NXPE2: variants seen among roughly 807,000 people sequenced by gnomAD.
NXPE2 encodes NXPE family member 2.
Under a neutral mutation model 34.4 loss-of-function variants are expected in NXPE2, and 34 were observed. That is an observed-to-expected ratio of 0.99 (90% CI 0.75 to 1.31). The LOEUF is 1.31. Ranked by LOEUF, NXPE2 falls within the 40% of genes most tolerant of loss-of-function variation. The pLI is 0.00. For synonymous variants in NXPE2, 235 were observed against 231.3 expected, an observed-to-expected ratio of 1.02 and a Z score of -0.15; for missense variants, 649 against 672.5, an observed-to-expected ratio of 0.97 and a Z score of 0.39.
chr11:114,666,384 AT>A, the NXPE2 span, among the ~76,000 whole-genome samples: 5 of 152,068 alleles, frequency 3.3e-5, no homozygotes, highest in East Asian at 1.9e-4. Flanking sequence ...GGGATGAAAG[AT>A]TTTTTTTCCC....
the NXPE2 span, among the ~76,000 whole-genome samples, chr11:114,508,539 A>T: frequency 6.6e-6 from 1 of 152,220 alleles, no homozygotes; most frequent in East Asian, 1.9e-4. Flanking sequence ...TGGTATAAGA[A>T]CATACACAGA....
At chr11:114,605,268 C>T in the NXPE2 span, among the ~76,000 whole-genome samples, 1 of 151,898 alleles carries the variant, frequency 6.6e-6, no homozygotes, top group Non-Finnish European at 1.5e-5. Flanking sequence ...CGTGGGAAAC[C>T]ACTGTTACCT....
chr11:114,542,154 T>C, the NXPE2 span, among the ~76,000 whole-genome samples: 3 of 152,248 alleles, frequency 2.0e-5, no homozygotes, highest in Non-Finnish European at 4.4e-5. Context: ...TCTCACTTTA[T>C]CCTTATTTAT....
chr11:114,667,447 T>C, the NXPE2 span, among the ~76,000 whole-genome samples: 1 of 152,086 alleles, frequency 6.6e-6, no homozygotes, highest in Non-Finnish European at 1.5e-5. Context: ...AAGATGTCCA[T>C]AAATTCTTTG....
chr11:114,472,475 C>A, the NXPE2 span, among the ~76,000 whole-genome samples: 7 of 152,182 alleles, frequency 4.6e-5, no homozygotes, highest in African/African-American at 7.2e-5. Context: ...CATCCTGGGT[C>A]ACATGTGGCC....
chr11:114,786,252 A>G, the NXPE2 span, among the ~76,000 whole-genome samples: 5 of 152,128 alleles, frequency 3.3e-5, no homozygotes, highest in African/African-American at 1.2e-4. Flanking sequence ...TGTCCTCAGT[A>G]ATGCGTTTTC....
At chr11:114,489,197 T>C in the NXPE2 span, among the ~76,000 whole-genome samples, 1 of 151,856 alleles carries the variant, frequency 6.6e-6, no homozygotes, top group African/African-American at 2.4e-5. Flanking sequence ...TAACAGGCTC[T>C]GAAATTGAGG....
intron 3 of NXPE2, among the ~76,000 whole-genome samples, chr11:114,699,195 A>G (rs1565388811): frequency 6.6e-6 from 1 of 152,164 alleles, no homozygotes; most frequent in Non-Finnish European, 1.5e-5. Context: ...ATCAAGCTCT[A>G]TACATTATCC....
chr11:114,575,433 T>A, the NXPE2 span, among the ~76,000 whole-genome samples: 1 of 152,044 alleles, frequency 6.6e-6, no homozygotes, highest in East Asian at 1.9e-4. Flanking sequence ...ATAGTATACC[T>A]AGAAAACCCT....
At chr11:114,583,160 A>C in the NXPE2 span, 5 of 922,234 alleles carry the variant, frequency 5.4e-6, no homozygotes, top group African/African-American at 3.4e-5. Context: ...ATTGATTTAC[A>C]TACTATTATC....
the NXPE2 span, among the ~76,000 whole-genome samples, chr11:114,631,943 C>G: frequency 6.6e-6 from 1 of 150,762 alleles, no homozygotes; most frequent in East Asian, 1.9e-4. Context: ...TAAATATTGC[C>G]TTGTAGGTAA....
the NXPE2 span, among the ~76,000 whole-genome samples, chr11:114,611,696 C>T: frequency 1.7e-4 from 25 of 149,038 alleles, no homozygotes; most frequent in South Asian, 6.4e-4. Context: ...CACTGTTACC[C>T]GGTGGATAGT....
chr11:114,490,051 A>T, the NXPE2 span, among the ~76,000 whole-genome samples: 71 of 152,330 alleles, frequency 4.7e-4, no homozygotes, highest in Middle Eastern at 0.031. Context: ...GAGCATTCTT[A>T]TACACCAATA....
chr11:114,469,708 G>T, the NXPE2 span, among the ~76,000 whole-genome samples: 114 of 152,174 alleles, frequency 7.5e-4, no homozygotes, highest in African/African-American at 2.2e-3. Flanking sequence ...GGCCAGGCTG[G>T]TCTCGAACTC....
intron 2 of NXPE2, among the ~76,000 whole-genome samples, chr11:114,686,161 T>C (rs1951042818): frequency 6.6e-6 from 1 of 152,102 alleles, no homozygotes; most frequent in Admixed American, 6.6e-5. Context: ...CATGTGCAGG[T>C]TTCTTATATG....
the NXPE2 span, among the ~76,000 whole-genome samples, chr11:114,512,497 G>C: frequency 3.3e-5 from 5 of 152,098 alleles, no homozygotes; most frequent in Non-Finnish European, 7.3e-5. Context: ...ACCAACAAGA[G>C]GTGATGCTGC....
At chr11:114,588,270 C>G in the NXPE2 span, among the ~76,000 whole-genome samples, 91 of 152,166 alleles carry the variant, frequency 6.0e-4, 1 homozygote, top group Non-Finnish European at 5.3e-4. Flanking sequence ...CACTCTTATC[C>G]TTACAGGAAA....
chr11:114,721,925 C>A, the NXPE2 span, among the ~76,000 whole-genome samples: 20 of 151,698 alleles, frequency 1.3e-4, no homozygotes, highest in Non-Finnish European at 1.5e-5. Context: ...AAAGGCACAT[C>A]AAAAGGAAAA....
chr11:114,641,478 T>A, the NXPE2 span, among the ~76,000 whole-genome samples: 1 of 152,078 alleles, frequency 6.6e-6, no homozygotes, highest in Non-Finnish European at 1.5e-5. Flanking sequence ...GAAAGTACTT[T>A]ATATCAAACA....
Sources: allele counts gnomAD v4.1 joint callset (sites outside exome capture counted in the v4.1 genomes callset), GRCh38; gene constraint gnomAD v4.1.1; transcripts MANE v1.5; gene names NCBI Gene and HGNC (gene_info 2026-07-23, HGNC 2026-07-21).